Variants in CACNA1C observed in about 807,000 individuals in gnomAD.
CACNA1C encodes voltage-dependent L-type calcium channel subunit alpha-1C.
CACNA1C carries 30 observed loss-of-function variants against 229.0 expected under a neutral mutation model. That is an observed-to-expected ratio of 0.13 (90% confidence interval 0.10 to 0.18). The LOEUF (loss-of-function observed/expected upper bound fraction) is 0.18, where lower values mean the gene tolerates loss of function less well. Among genes scored for constraint, CACNA1C ranks in the 10% least tolerant of loss-of-function variants. The probability of loss-of-function intolerance (pLI) is 1.00; values close to 1 mark genes in which losing one functional copy is unlikely to be tolerated. For synonymous variants in CACNA1C, 1,114 were observed against 1,132.5 expected, an observed-to-expected ratio of 0.98 and a Z score of 0.33; for missense variants, 1,658 against 2,845.0, an observed-to-expected ratio of 0.58 and a Z score of 9.49.
chr12:2,041,732 A>G (rs555332972), intron 1 of CACNA1C, among the ~76,000 whole-genome samples: 2 of 152,382 alleles, frequency 1.3e-5, no homozygotes, highest in African/African-American at 4.8e-5. Context: ...ATGAGAAAGC[A>G]GAGATGTTCA....
chr12:2,425,701 C>G (rs1477546733), intron 3 of CACNA1C, among the ~76,000 whole-genome samples: 1 of 152,166 alleles, frequency 6.6e-6, no homozygotes, highest in African/African-American at 2.4e-5. Flanking sequence ...TTCATGCTCT[C>G]CTCATTTGCA....
intron 7 of CACNA1C, among the ~76,000 whole-genome samples, chr12:2,503,727 G>A (rs1379828368): frequency 6.6e-6 from 1 of 152,194 alleles, no homozygotes; most frequent in Admixed American, 6.6e-5. Context: ...CTGCCGTAGG[G>A]GTTTGTGACC....
At chr12:2,327,907 C>T (rs1170135188) in intron 3 of CACNA1C, among the ~76,000 whole-genome samples, 1 of 152,144 alleles carries the variant, frequency 6.6e-6, no homozygotes. Context: ...AGTGGAAAAC[C>T]CTCAGATGGT....
chr12:2,360,154 C>T (rs140722893), intron 3 of CACNA1C, among the ~76,000 whole-genome samples: 4,292 of 108,982 alleles, frequency 0.039, 95 homozygotes, highest in Non-Finnish European at 0.052. Context: ...CAAACACACC[C>T]CACCCCCCCC....
intron 5 of CACNA1C, among the ~76,000 whole-genome samples, chr12:2,478,395 G>C (rs946708361): frequency 6.6e-6 from 1 of 152,192 alleles, no homozygotes; most frequent in Admixed American, 6.5e-5. Context: ...TGGTGGGGCA[G>C]CAGCTGCAGT....
chr12:2,449,257 T>C (rs766754214), intron 4 of CACNA1C, 142 bp downstream of exon 4: 45 of 589,398 alleles, frequency 7.6e-5, no homozygotes, highest in Admixed American at 7.8e-5. Flanking sequence ...AAATGAGATT[T>C]ATTTTGCTAA....
intron 1 of CACNA1C, among the ~76,000 whole-genome samples, chr12:2,102,859 T>C (rs1327639577): frequency 1.3e-5 from 2 of 152,242 alleles, no homozygotes; most frequent in South Asian, 4.1e-4. Context: ...CTTGCACTAG[T>C]TTGCTGAGAA....
chr12:2,520,941 G>T (rs1452803273), intron 9 of CACNA1C, among the ~76,000 whole-genome samples: 1 of 152,238 alleles, frequency 6.6e-6, no homozygotes, highest in Non-Finnish European at 1.5e-5. Context: ...AGCTTCCTGG[G>T]CCTGGCATTA....
intron 1 of CACNA1C, among the ~76,000 whole-genome samples, chr12:2,026,751 A>G (rs7963506): frequency 0.13 from 19,043 of 152,240 alleles, 1,886 homozygotes; most frequent in East Asian, 0.56. Context: ...TTCTTAAAAA[A>G]TGGATTGTAA....
chr12:2,120,465 C>T (rs2086064080), intron 3 of CACNA1C, 35 bp downstream of exon 3: 1 of 1,154,828 alleles, frequency 8.7e-7, no homozygotes, highest in African/African-American at 1.5e-5. Flanking sequence ...TGCTTTTTCA[C>T]TCGATGGAGA....
intron 1 of CACNA1C, among the ~76,000 whole-genome samples, chr12:2,064,397 G>A (rs2058608882): frequency 1.3e-5 from 2 of 152,156 alleles, no homozygotes; most frequent in Non-Finnish European, 2.9e-5. Flanking sequence ...CCCCTCATGT[G>A]TGGCTGGGCC....
intron 1 of CACNA1C, chr12:2,020,380 T>C (rs1391752215): frequency 1.3e-5 from 2 of 152,216 alleles, no homozygotes; most frequent in Admixed American, 1.3e-4. Flanking sequence ...TTTGGATGCC[T>C]AGGGCTGTTT....
At chr12:2,113,968 A>G (rs1413493238) in intron 1 of CACNA1C, among the ~76,000 whole-genome samples, 3 of 152,162 alleles carry the variant, frequency 2.0e-5, no homozygotes, top group Non-Finnish European at 4.4e-5. Flanking sequence ...CCTTCCTGAC[A>G]CTGTCCCTCT....
At chr12:2,454,396 C>T (rs2099403537) in intron 4 of CACNA1C, among the ~76,000 whole-genome samples, 1 of 152,066 alleles carries the variant, frequency 6.6e-6, no homozygotes. Context: ...TCTTTCCGGT[C>T]CCCTCCCTCT....
intron 1 of CACNA1C, among the ~76,000 whole-genome samples, chr12:2,106,719 C>G (rs1200766397): frequency 1.4e-4 from 16 of 114,594 alleles, no homozygotes; most frequent in African/African-American, 2.5e-4. Context: ...GTTTCCACCT[C>G]AGCTGGGCGT....
At chr12:2,412,939 TAAGTA>T (rs2098824767) in intron 3 of CACNA1C, among the ~76,000 whole-genome samples, 1 of 152,226 alleles carries the variant, frequency 6.6e-6, no homozygotes, top group Non-Finnish European at 1.5e-5. Flanking sequence ...ATTCAAAATG[TAAGTA>T]AAATTTATGA....
In CACNA1C at chr12:2,479,274, G is replaced by A. The variant is rs2099652968; in HGVS notation, c.758-6830G>A. Among the ~76,000 whole-genome samples the A allele has an allele frequency of 6.6e-6, 1 of 152,158 alleles. No homozygotes were observed. The highest frequency in any genetic ancestry group is 6.5e-5 in the Admixed American group (1 of 15,270). On this transcript the variant is annotated intron_variant, in intron 5 of 46. Coordinates refer to ENST00000399655, the MANE Select transcript of CACNA1C (RefSeq NM_000719.7). The surrounding 1 kb of genome is among the most constrained non-coding windows in gnomAD (Gnocchi z 4.3). ...CTGTCACCCAGGCTGGAGTGCAGTA[G>A]TATGATCATAGTTCACTGTAAACTT...
chr12:2,559,367 T>C (rs1182571649), intron 11 of CACNA1C, among the ~76,000 whole-genome samples: 1 of 152,248 alleles, frequency 6.6e-6, no homozygotes. Flanking sequence ...TGGAACACTC[T>C]GGGAACATTA....
intron 3 of CACNA1C, among the ~76,000 whole-genome samples, chr12:2,135,667 C>G (rs2093315317): frequency 6.9e-6 from 1 of 143,922 alleles, no homozygotes; most frequent in Admixed American, 6.8e-5. Context: ...TGCCCGTTCT[C>G]AGATCTCCAG....
Sources: gnomAD v4.1 joint callset for allele counts (sites outside exome capture counted in the v4.1 genomes callset) on GRCh38, gnomAD v4.1.1 for gene constraint, Gnocchi (gnomAD v3.1) non-coding constraint, MANE v1.5 for transcripts, NCBI Gene and HGNC (gene_info 2026-07-23, HGNC 2026-07-21) for gene names.